Variants in HNRNPM observed in about 807,000 individuals in gnomAD.
HNRNPM encodes the protein CEA receptor.
In HNRNPM, 11 loss-of-function variants were observed where a neutral mutation model predicts 73.1. The observed-to-expected ratio is 0.15, with a 90% CI of 0.09 to 0.25. The LOEUF is 0.25. Among genes scored for constraint, HNRNPM ranks in the 10% least tolerant of loss-of-function variants. HNRNPM has a pLI of 1.00. For missense variants in HNRNPM, 789 were observed against 1,067.9 expected (o/e 0.74, Z 3.64); for synonymous variants, 407 against 355.2 (o/e 1.15, Z -1.64).
intron 5 of HNRNPM, among the ~76,000 whole-genome samples, chr19:8,464,611 A>C (rs982122968): frequency 7.2e-5 from 11 of 152,210 alleles, no homozygotes; most frequent in African/African-American, 2.7e-4. Context: ...CAGCCTGGGC[A>C]GTAAGAGCAA....
At chr19:8,473,015 A>C (rs1167941650) in intron 10 of HNRNPM, among the ~76,000 whole-genome samples, 1 of 152,140 alleles carries the variant, frequency 6.6e-6, no homozygotes, top group East Asian at 1.9e-4. Flanking sequence ...GTGGTGGCTT[A>C]TGCCTGTAAT....
At chr19:8,452,425 C>T (rs1968695628) in intron 1 of HNRNPM, among the ~76,000 whole-genome samples, 2 of 152,086 alleles carry the variant, frequency 1.3e-5, no homozygotes, top group African/African-American at 2.4e-5. Context: ...CTAACACAGT[C>T]GTCGTCATTT....
At chr19:8,473,523 T>C (rs1310791560) in intron 10 of HNRNPM, 141 bp from the exon 11 acceptor site, 1 of 625,296 alleles carries the variant, frequency 1.6e-6, no homozygotes, top group Non-Finnish European at 2.8e-6. Flanking sequence ...TTTTTCTTGC[T>C]GATTAAAATA....
At chr19:8,477,660 CAAAAAAAAAAAAAAAAAAAA>C (rs35193948) in intron 12 of HNRNPM, among the ~76,000 whole-genome samples, 11 of 117,084 alleles carry the variant, frequency 9.4e-5, no homozygotes, top group Non-Finnish European at 1.0e-4. Flanking sequence ...AACCCTGTCT[CAAAAAAAAAAAAAAAAAAAA>C]AAAAAAAAAA....
At chr19:8,483,965 G>T (rs924798789) in intron 13 of HNRNPM, among the ~76,000 whole-genome samples, 3 of 151,460 alleles carry the variant, frequency 2.0e-5, no homozygotes, top group Non-Finnish European at 2.9e-5. Flanking sequence ...ATGGCATTTT[G>T]ACATGTTACC....
intron 2 of HNRNPM, among the ~76,000 whole-genome samples, chr19:8,461,253 G>C (rs113153465): frequency 0.023 from 3,464 of 152,212 alleles, 135 homozygotes; most frequent in African/African-American, 0.079. Flanking sequence ...ATGTCCTTCA[G>C]ATCTTTAAAT....
intron 2 of HNRNPM, among the ~76,000 whole-genome samples, 167 bp downstream of exon 2, chr19:8,455,741 TTG>T (rs1968961934): frequency 7.1e-6 from 1 of 140,410 alleles, no homozygotes; most frequent in South Asian, 2.3e-4. Flanking sequence ...TTTTTTTGTT[TTG>T]TGTTTTTTTT....
intron 12 of HNRNPM, among the ~76,000 whole-genome samples, chr19:8,480,682 A>AGGCATC (rs1261024701): frequency 6.6e-6 from 1 of 151,210 alleles, no homozygotes; most frequent in Admixed American, 6.6e-5. Flanking sequence ...AAAAAAAAAA[A>AGGCATC]GGCATCTTTA....
intron 5 of HNRNPM, among the ~76,000 whole-genome samples, chr19:8,464,432 A>G (rs1969602230): frequency 6.6e-6 from 1 of 152,012 alleles, no homozygotes; most frequent in Non-Finnish European, 1.5e-5. Flanking sequence ...TCATGAGTTC[A>G]AGACCAGCTT....
intron 12 of HNRNPM, 101 bp from the exon 13 acceptor site, chr19:8,483,057 C>T (rs939173220): frequency 1.5e-5 from 11 of 736,190 alleles, no homozygotes; most frequent in Non-Finnish European, 2.4e-5. Flanking sequence ...TTTATCTTGT[C>T]ATTTTTATTA....
intron 15 of HNRNPM, 190 bp from the exon 16 acceptor site, chr19:8,488,501 C>T: frequency 2.1e-6 from 1 of 471,542 alleles, no homozygotes; most frequent in East Asian, 3.1e-5. Context: ...GAAGGCTTTT[C>T]ATGGGGCAGG....
intron 9 of HNRNPM, among the ~76,000 whole-genome samples, chr19:8,469,742 G>A (rs34677800): frequency 0.26 from 40,297 of 152,158 alleles, 6,470 homozygotes; most frequent in Non-Finnish European, 0.36. Flanking sequence ...ATGGATGAGG[G>A]TGAGAGGCCT....
At chr19:8,463,286 A>G (rs958206869) in intron 3 of HNRNPM, among the ~76,000 whole-genome samples, 7 of 152,172 alleles carry the variant, frequency 4.6e-5, no homozygotes, top group African/African-American at 1.7e-4. Flanking sequence ...CGCGTAGGAG[A>G]AGGAGATATT....
At chr19:8,474,512 C>T (rs1477517371) in intron 12 of HNRNPM, among the ~76,000 whole-genome samples, 2 of 152,058 alleles carry the variant, frequency 1.3e-5, no homozygotes, top group Non-Finnish European at 1.5e-5. Flanking sequence ...TGTACACGTT[C>T]GTGGTTATGG....
chr19:8,453,588 G>GT (rs138410474), intron 1 of HNRNPM, among the ~76,000 whole-genome samples: 6,433 of 151,922 alleles, frequency 0.042, 283 homozygotes, highest in African/African-American at 0.11. Context: ...TGGCTTTTTG[G>GT]TTTTTTTTCC....
rs757244136 is a variant in HNRNPM, at chr19:8,471,313, C to T, written c.896-13C>T. On this transcript the variant is annotated splice_polypyrimidine_tract_variant and intron_variant, in intron 9 of 15. Transcript: ENST00000325495. ...ATAGGGGAAAACTAAGCTTCTTTCT[C>T]TTTTCTTTCCAGATGGCCTTGGTGG... The T allele has an allele frequency of 2.0e-6, 3 of 1,526,734 alleles. No individual in the cohort carries two copies. The highest frequency in any genetic ancestry group is 2.1e-5 in the Admixed American group (1 of 47,822). 94.6% of individuals were successfully genotyped at this position (1,526,734 alleles called of 1,614,324 possible).
chr19:8,465,580 T>C, intron 6 of HNRNPM, 65 bp downstream of exon 6: 1 of 1,051,920 alleles, frequency 9.5e-7, no homozygotes, highest in East Asian at 2.6e-5. Flanking sequence ...CTTGTCAATA[T>C]GTTATAAAAG....
chr19:8,488,580 T>A (rs1443939522), intron 15 of HNRNPM, 111 bp from the exon 16 acceptor site: 3 of 895,278 alleles, frequency 3.4e-6, no homozygotes, highest in Admixed American at 2.8e-5. Context: ...CTCGCCATTG[T>A]ATTCTGAGCC....
At chr19:8,463,382 T>G (rs1969520224) in intron 3 of HNRNPM, 115 bp from the exon 4 acceptor site, 1 of 1,203,158 alleles carries the variant, frequency 8.3e-7, no homozygotes, top group African/African-American at 1.5e-5. Context: ...AAGACTAACT[T>G]TGTGACATAA....
Sources: gnomAD v4.1 joint callset for allele counts (sites outside exome capture counted in the v4.1 genomes callset) on GRCh38, gnomAD v4.1.1 for gene constraint, MANE v1.5 for transcripts, NCBI Gene and HGNC (gene_info 2026-07-23, HGNC 2026-07-21) for gene names.